Variants in IFITM10 observed in about 807,000 individuals in gnomAD.
IFITM10 encodes interferon induced transmembrane protein 10.
IFITM10 carries 17 observed loss-of-function variants against 19.0 expected under a neutral mutation model. The observed-to-expected ratio is 0.90, with a 90% CI of 0.61 to 1.34. The LOEUF is 1.34. Among genes scored for constraint, IFITM10 ranks in the 40% most tolerant of loss-of-function variants. The pLI is 0.00. For synonymous variants in IFITM10, 148 were observed against 147.2 expected (o/e 1.01, Z -0.04); for missense variants, 306 against 319.8 (o/e 0.96, Z 0.33).
At chr11:1,746,550 C>T in intron 2 of IFITM10, 1 of 398,630 alleles carries the variant, frequency 2.5e-6, no homozygotes, top group Non-Finnish European at 4.4e-6. Context: ...GTGCCCGTGC[C>T]AGTGGGCAAC....
intron 1 of IFITM10, chr11:1,749,009 C>T: frequency 9.5e-7 from 1 of 1,057,564 alleles, no homozygotes; most frequent in Admixed American, 5.4e-5. Context: ...GACGGCGCCT[C>T]CTCACCTACA....
In IFITM10 at chr11:1,739,053, CAAAAAAAAA is replaced by C. The variant is rs71025777; in HGVS notation, c.538-3633_538-3625del. ...TGGGTGACAGAGTGAGACTCCGTCTCAAAAAAAAAAAAAAAAAAAAAAAAAAAAGAATGG... is the reference window on the plus strand; with the variant it reads ...TGGGTGACAGAGTGAGACTCCGTCTCAAAAAAAAAAAAAAAAAAAGAATGG... On this transcript the variant is annotated intron_variant, in intron 2 of 2. Transcript: ENST00000340134. Among the ~76,000 whole-genome samples the C allele has an allele frequency of 9.5e-3, 401 of 42,126 alleles. 2 individuals are homozygous for C. Among genetic ancestry groups the C allele is most frequent in the Middle Eastern group, 0.048 (2 of 42 alleles). 27.6% of individuals were successfully genotyped at this position (42,126 alleles called of 152,430 possible).
At chr11:1,738,101 G>A (rs1851105753) in intron 2 of IFITM10, among the ~76,000 whole-genome samples, 1 of 152,118 alleles carries the variant, frequency 6.6e-6, no homozygotes, top group African/African-American at 2.4e-5. Flanking sequence ...TTATACGGAT[G>A]GAGACTGGGT....
rs1451830072 is a variant in IFITM10 at position 1,734,712 on chromosome 11, C to G, written c.*568G>C. ...TCTGTTGGGACACAGCACCCGGGGC[C>G]CTGACCGCCAGGCAGTTCCTGAGGG... On this transcript the variant is annotated 3_prime_UTR_variant, in exon 3 of 3. Transcript: ENST00000340134. The G allele has an allele frequency of 6.5e-6, 1 of 152,816 alleles. No individual in the cohort carries two copies. The highest frequency in any genetic ancestry group is 2.4e-5 in the African/African-American group (1 of 41,462). 9.5% of individuals were successfully genotyped at this position (152,816 alleles called of 1,614,324 possible).
intron 2 of IFITM10, chr11:1,746,158 GCA>G (rs1845645835): frequency 1.9e-5 from 3 of 158,896 alleles, no homozygotes; most frequent in African/African-American, 7.4e-5. Flanking sequence ...CACACACCAT[GCA>G]CACATGCAAT....
intron 2 of IFITM10, 81 bp downstream of exon 2, chr11:1,747,586 C>T (rs1845665489): frequency 7.1e-6 from 9 of 1,275,124 alleles, no homozygotes; most frequent in Non-Finnish European, 9.9e-6. Flanking sequence ...GGGAGAGGGG[C>T]CGAGCGCCCA....
At chr11:1,739,498 G>A (rs1162096216) in intron 2 of IFITM10, among the ~76,000 whole-genome samples, 2 of 152,128 alleles carry the variant, frequency 1.3e-5, no homozygotes, top group African/African-American at 2.4e-5. Context: ...CTGTCCTCAC[G>A]CAGCTTACAT....
intron 2 of IFITM10, among the ~76,000 whole-genome samples, chr11:1,738,553 C>T (rs577346014): frequency 6.6e-5 from 10 of 152,202 alleles, no homozygotes; most frequent in South Asian, 2.1e-4. Flanking sequence ...GGTAAGTGAA[C>T]GGCTGCTGGA....
chr11:1,741,027 G>A (rs541204950), intron 2 of IFITM10, among the ~76,000 whole-genome samples: 22 of 152,032 alleles, frequency 1.4e-4, no homozygotes, highest in Non-Finnish European at 3.1e-4. Flanking sequence ...GAAGCCTCCT[G>A]AGGCTTCCCC....
At position 1,747,817 on chromosome 11, in the gene IFITM10, G is replaced by A. The variant is rs1209604231; in HGVS notation, c.387C>T (p.Ala129=). The change falls in exon 2 of 3, where the codon GCC becomes GCT. Residue 129 remains alanine, a synonymous_variant. Coordinates refer to ENST00000340134, the MANE Select transcript of IFITM10 (RefSeq NM_001170820.4). The part of the protein sequence containing the change: ...AGAPPACKHL[A]EKKTMTNPTT... ...TGGGGTTGGTCATCGTCTTCTTCTC[G>A]GCTAGGTGCTTGCAGGCAGGGGGCG... The A allele has an allele frequency of 9.7e-6, 15 of 1,549,662 alleles. No individual in the cohort carries two copies. The South Asian group carries it at 1.3e-4, about 14-fold the overall frequency.
chr11:1,747,826 C>T lies in IFITM10; in HGVS notation c.378G>A (p.Lys126=), dbSNP rs1253916745. Residue 126 remains lysine, a synonymous_variant, in exon 2 of 3, where the codon AAG becomes AAA. Coordinates refer to ENST00000340134, the MANE Select transcript of IFITM10 (RefSeq NM_001170820.4). Reference sequence around the variant, plus strand: ...TCATCGTCTTCTTCTCGGCTAGGTGCTTGCAGGCAGGGGGCGCGCCGGCAG... The same window carrying T: ...TCATCGTCTTCTTCTCGGCTAGGTGTTTGCAGGCAGGGGGCGCGCCGGCAG... ...VRAAGAPPAC[K]HLAEKKTMTN... 4 of 1,548,734 alleles carry T rather than the reference C, an allele frequency of 2.6e-6. No homozygotes were observed. In the African/African-American group the frequency reaches 4.1e-5, roughly 16 times the overall value.
chr11:1,745,581 A>G (rs758013468), intron 2 of IFITM10: 9 of 152,664 alleles, frequency 5.9e-5, no homozygotes, highest in Non-Finnish European at 1.2e-4. Flanking sequence ...ACGTATGATT[A>G]CACACGCATG....
chr11:1,735,309 A>C lies in IFITM10; in HGVS notation c.658T>G (p.Phe220Val). Reference sequence around the variant, plus strand: ...TAGTCGGTGAGGGGGTACCGCAGGAAGATGAAGACGAGGATGATGCAGGAG... The same window carrying C: ...TAGTCGGTGAGGGGGTACCGCAGGACGATGAAGACGAGGATGATGCAGGAG... ...AASCIILVFI[F>V]LRYPLTDY Residue 220 changes from phenylalanine to valine, a missense_variant, in exon 3 of 3, where the codon TTC (phenylalanine) becomes GTC (valine). Phe to Val is a conservative substitution (Grantham distance 50). Coordinates refer to ENST00000340134, the MANE Select transcript of IFITM10 (RefSeq NM_001170820.4). 1.3e-6 allele frequency: 2 copies of C among 1,551,724 alleles called. No homozygotes were observed. The highest frequency in any genetic ancestry group is 1.7e-6 in the Non-Finnish European group (2 of 1,146,976).
At chr11:1,748,140 G>A (rs1845672598) in intron 1 of IFITM10, 21 bp from the exon 2 acceptor site, 2 of 1,338,834 alleles carry the variant, frequency 1.5e-6, no homozygotes, top group Non-Finnish European at 1.9e-6. Context: ...GAAAGTGAGA[G>A]CAAGCTGGGC....
chr11:1,743,114 TGGAG>T (rs1277164376), intron 2 of IFITM10, among the ~76,000 whole-genome samples: 1 of 134,520 alleles, frequency 7.4e-6, no homozygotes, highest in African/African-American at 2.9e-5. Flanking sequence ...GATAGATGGA[TGGAG>T]GATGAATAGA....
intron 2 of IFITM10, among the ~76,000 whole-genome samples, chr11:1,738,275 G>A (rs1035722714): frequency 6.6e-6 from 1 of 152,196 alleles, no homozygotes; most frequent in African/African-American, 2.4e-5. Flanking sequence ...CCCATCATAA[G>A]TTTAAAGTGT....
chr11:1,750,405 CT>C lies in IFITM10; in HGVS notation c.37del (p.Ser13AlafsTer116), dbSNP rs1172424063. ...EGKRGPPCIL[S>X]FRGTLERVEA... is the part of the protein sequence containing the mutation. ...GACCCTCTCCAAAGTCCCCCGGAAG[CT>C]GAGGATGCATGGCGGCCCCCGTTTT... is the stretch of plus-strand genomic sequence containing the variant. On this transcript the variant is annotated frameshift_variant, in exon 1 of 3. Transcript: ENST00000340134. LOFTEE classifies it high-confidence loss of function. 6.4e-7 allele frequency: 1 copy of C among 1,550,388 alleles called. No homozygotes were observed. Among genetic ancestry groups the C allele is most frequent in the African/African-American group, 1.4e-5 (1 of 72,996 alleles).
intron 2 of IFITM10, chr11:1,745,622 ACACT>A (rs935959527): frequency 5.2e-5 from 8 of 152,626 alleles, no homozygotes; most frequent in South Asian, 4.1e-4. Flanking sequence ...ACACATGCAC[ACACT>A]CACACACACT....
chr11:1,738,963 A>G (rs1851115607), intron 2 of IFITM10, among the ~76,000 whole-genome samples: 1 of 145,940 alleles, frequency 6.9e-6, no homozygotes, highest in Admixed American at 7.2e-5. Flanking sequence ...CTGAGGCAGG[A>G]GAATCGCTTG....
Sources: allele counts gnomAD v4.1 joint callset (sites outside exome capture counted in the v4.1 genomes callset), GRCh38; gene constraint gnomAD v4.1.1; transcripts MANE v1.5; gene names NCBI Gene and HGNC (gene_info 2026-07-23, HGNC 2026-07-21).